The following ZNF225 variants were observed in gnomAD, a reference collection of about 807,000 sequenced individuals.
ZNF225 encodes zinc finger protein 225.
A neutral mutation model predicts 12.0 loss-of-function variants in ZNF225; 6 were observed. That is an observed-to-expected ratio of 0.50 (90% confidence interval 0.27 to 0.98). The LOEUF (loss-of-function observed/expected upper bound fraction) is 0.98. Among genes scored for constraint, ZNF225 ranks in the 50% least tolerant of loss-of-function variants. The probability of loss-of-function intolerance (pLI) is 0.11; values close to 1 mark genes in which losing one functional copy is unlikely to be tolerated. For synonymous variants in ZNF225, 271 were observed against 283.2 expected (o/e 0.96, Z 0.43); for missense variants, 763 against 848.2 (o/e 0.90, Z 1.25).
chr19:44,118,200 T>C lies in ZNF225; in HGVS notation c.28T>C (p.Phe10Leu). The C allele has an allele frequency of 6.2e-7, 1 of 1,612,072 alleles. No individual in the cohort carries two copies. The change falls in exon 3 of 5, where the codon TTC becomes CTC. Residue 10 changes from phenylalanine (F) to leucine (L), a missense_variant. Phe to Leu is a conservative substitution (Grantham distance 22). Transcript: ENST00000262894. Reference protein sequence around the residue: MTTLKEAVTFKDVAVVFTEE... With the variant: MTTLKEAVTLKDVAVVFTEE... ...TTCGATGCTGTAGGAGGCAGTGACC[T>C]TCAAGGACGTGGCTGTGGTCTTCAC...
intron 4 of ZNF225, chr19:44,130,392 C>CCA (rs1368797846): frequency 6.5e-6 from 1 of 152,786 alleles, no homozygotes; most frequent in Non-Finnish European, 1.5e-5. Flanking sequence ...GAGGGAGACA[C>CCA]TCTCTTTAAA....
At chr19:44,125,685 G>T (rs1968133903) in intron 4 of ZNF225, among the ~76,000 whole-genome samples, 1 of 152,048 alleles carries the variant, frequency 6.6e-6, no homozygotes, top group African/African-American at 2.4e-5. Flanking sequence ...TCTTAGGTTT[G>T]GTCCTTTAAC....
chr19:44,126,076 G>A (rs1373472117), intron 4 of ZNF225, among the ~76,000 whole-genome samples: 1 of 152,060 alleles, frequency 6.6e-6, no homozygotes, highest in Non-Finnish European at 1.5e-5. Context: ...TCCATTGCTG[G>A]TGAACTAGTG....
upstream of ZNF225, chr19:44,112,381 G>A (rs961176951): frequency 6.6e-6 from 1 of 152,110 alleles, no homozygotes; most frequent in Non-Finnish European, 1.5e-5. Flanking sequence ...TCATTAAAAA[G>A]AAAAGCCTTA....
intron 1 of ZNF225, among the ~76,000 whole-genome samples, chr19:44,114,541 C>T (rs1008385844): frequency 6.6e-6 from 1 of 151,922 alleles, no homozygotes; most frequent in Non-Finnish European, 1.5e-5. Context: ...GACGGAGTTT[C>T]GCTCTTGTCG....
At position 44,134,593 on chromosome 19, in the gene ZNF225, C is replaced by A. The variant is rs1968354451; in HGVS notation, c.*1858C>A. ...TGTCACCGATACCAGAATAGCTCATCTCCAAGGTAACTGTAACAGAACACT... is the reference window on the plus strand; with the variant it reads ...TGTCACCGATACCAGAATAGCTCATATCCAAGGTAACTGTAACAGAACACT... On this transcript the variant is annotated 3_prime_UTR_variant, in exon 5 of 5. Coordinates refer to ENST00000262894, the MANE Select transcript of ZNF225 (RefSeq NM_013362.4). 6.6e-6 allele frequency: 1 copy of A among 152,192 alleles called. No individual in the cohort carries two copies. Among genetic ancestry groups the A allele is most frequent in the Non-Finnish European group, 1.5e-5 (1 of 68,042 alleles). The allele number at this position is 152,192 out of a possible 1,614,324, so 9.4% of individuals were successfully genotyped here. A position where few individuals can be genotyped will look rare whatever the true frequency, so the allele number is the denominator to read the frequency against.
chr19:44,123,570 T>C (rs1389326630), intron 4 of ZNF225, among the ~76,000 whole-genome samples: 1 of 152,166 alleles, frequency 6.6e-6, no homozygotes, highest in East Asian at 1.9e-4. Flanking sequence ...AGAATTGGTA[T>C]CAATTCTTCT....
At chr19:44,129,484 A>C (rs543359333) in intron 4 of ZNF225, 29 of 156,184 alleles carry the variant, frequency 1.9e-4, no homozygotes, top group Non-Finnish European at 2.7e-4. Context: ...CCCAAGATTA[A>C]GGTGTGACAT....
At chr19:44,115,125 G>A (rs1967915834) in intron 1 of ZNF225, among the ~76,000 whole-genome samples, 1 of 152,098 alleles carries the variant, frequency 6.6e-6, no homozygotes, top group African/African-American at 2.4e-5. Context: ...TTCTATCAGT[G>A]TAGATCCAGA....
chr19:44,132,470 C>A lies in ZNF225; in HGVS notation c.1856C>A (p.Thr619Asn). ...CTTCATTCCCATCAGAGGGTTCACA[C>A]TGGGGAAAAGCCATACAAATGTGAG... ...SQLHSHQRVH[T>N]GEKPYKCEKC... Residue 619 changes from threonine (T) to asparagine (N), a missense_variant, in exon 5 of 5, where the codon ACT becomes AAT. Transcript: ENST00000262894. 2 of 1,614,076 alleles carry A rather than the reference C, an allele frequency of 1.2e-6. No homozygotes were observed. Among genetic ancestry groups the A allele is most frequent in the African/African-American group, 1.3e-5 (1 of 75,020 alleles).
upstream of ZNF225, chr19:44,112,369 T>C (rs1308500300): frequency 6.6e-6 from 1 of 152,138 alleles, no homozygotes. Context: ...TGGGGCTGCT[T>C]TTCATTAAAA....
In ZNF225 at chr19:44,120,622, T is replaced by C. The variant is rs143241116; in HGVS notation, c.235+2048T>C. ...TATTTTTAGGTATGTGCAGTTCACCTACATCCCATGGAAACTTCTAAGTGT... is the reference window on the plus strand; with the variant it reads ...TATTTTTAGGTATGTGCAGTTCACCCACATCCCATGGAAACTTCTAAGTGT... On this transcript the variant is annotated intron_variant, in intron 4 of 4. Transcript: ENST00000262894. Among the ~76,000 whole-genome samples, 360 of 152,340 alleles carry C rather than the reference T, an allele frequency of 2.4e-3. 3 individuals are homozygous for C. Among genetic ancestry groups the C allele is most frequent in the Middle Eastern group, 0.01 (3 of 294 alleles).
intron 1 of ZNF225, chr19:44,114,131 T>C: frequency 3.8e-6 from 3 of 783,310 alleles, no homozygotes; most frequent in East Asian, 2.8e-5. Flanking sequence ...TCAGAGTGTT[T>C]CACAGCCTTC....
chr19:44,120,196 G>A (rs1314872781), intron 4 of ZNF225, among the ~76,000 whole-genome samples: 1 of 152,178 alleles, frequency 6.6e-6, no homozygotes, highest in African/African-American at 2.4e-5. Context: ...CAGCCTTGGT[G>A]ACAAAGTAAG....
rs903164801 is a variant in ZNF225 at position 44,134,802 on chromosome 19, G to C, written c.*2067G>C. On this transcript the variant is annotated 3_prime_UTR_variant, in exon 5 of 5. Coordinates refer to ENST00000262894, the MANE Select transcript of ZNF225 (RefSeq NM_013362.4). ...AACCACGCTGAATATTAAATACCTA[G>C]TTCTATATCTAGTACCCTGAGCTTA... The C allele has an allele frequency of 1.3e-5, 2 of 152,080 alleles. No individual in the cohort carries two copies. The highest frequency in any genetic ancestry group is 2.9e-5 in the Non-Finnish European group (2 of 68,030). The allele number at this position is 152,080 out of a possible 1,614,324, so 9.4% of individuals were successfully genotyped here. A position where few individuals can be genotyped will look rare whatever the true frequency, so the allele number is the denominator to read the frequency against.
chr19:44,118,632 G>A (rs1967992518), intron 4 of ZNF225, 58 bp downstream of exon 4: 1 of 1,523,168 alleles, frequency 6.6e-7, no homozygotes, highest in Non-Finnish European at 9.0e-7. Flanking sequence ...TTTCACTTCT[G>A]TCCATTGCCC....
At chr19:44,118,668 C>A in intron 4 of ZNF225, 94 bp downstream of exon 4, 1 of 1,249,330 alleles carries the variant, frequency 8.0e-7, no homozygotes, top group Non-Finnish European at 1.1e-6. Context: ...GTCTAAATGG[C>A]CAGACCTCTT....
intron 2 of ZNF225, 126 bp from the exon 3 acceptor site, chr19:44,118,062 T>C: frequency 1.1e-6 from 1 of 907,424 alleles, no homozygotes; most frequent in Non-Finnish European, 1.5e-6. Context: ...AGGAAGTCTG[T>C]GTGTTGACCT....
At chr19:44,117,588 A>G (rs770930202) in intron 2 of ZNF225, among the ~76,000 whole-genome samples, 3 of 152,248 alleles carry the variant, frequency 2.0e-5, no homozygotes, top group Non-Finnish European at 4.4e-5. Flanking sequence ...TGCTGCATTT[A>G]GAGTCCTACA....
Sources: gnomAD v4.1 joint callset for allele counts (sites outside exome capture counted in the v4.1 genomes callset) on GRCh38, gnomAD v4.1.1 for gene constraint, MANE v1.5 for transcripts, NCBI Gene and HGNC (gene_info 2026-07-23, HGNC 2026-07-21) for gene names.